The following CROCC2 variants were observed in gnomAD, a reference collection of about 807,000 sequenced individuals.
CROCC2 encodes ciliary rootlet coiled-coil, rootletin family member 2, also known as ciliary rootlet coiled-coil protein 2.
In CROCC2, 163 loss-of-function variants were observed where a neutral mutation model predicts 177.6. The observed-to-expected ratio is 0.92, with a 90% CI of 0.81 to 1.05. CROCC2 has a LOEUF of 1.05. Among genes scored for constraint, CROCC2 ranks in the 50% least tolerant of loss-of-function variants. The probability of loss-of-function intolerance (pLI) is 0.00; values close to 1 mark genes in which losing one functional copy is unlikely to be tolerated. For missense variants in CROCC2, 1,929 were observed against 1,797.8 expected (o/e 1.07, Z -1.32); for synonymous variants, 904 against 787.3 (o/e 1.15, Z -2.48).
At chr2:240,981,826 G>T (rs769223047) in intron 27 of CROCC2, 2 of 152,058 alleles carry the variant, frequency 1.3e-5, no homozygotes, top group Non-Finnish European at 2.9e-5. Context: ...CCTCAGGAAG[G>T]TGCAAGGGCT....
intron 3 of CROCC2, among the ~76,000 whole-genome samples, chr2:240,921,890 C>A (rs1261430575): frequency 6.6e-6 from 1 of 152,206 alleles, no homozygotes; most frequent in Non-Finnish European, 1.5e-5. Context: ...ATCCTTGGCC[C>A]TTGATTTCCT....
At chr2:240,946,762 G>A (rs2059526976) in intron 15 of CROCC2, among the ~76,000 whole-genome samples, 1 of 152,208 alleles carries the variant, frequency 6.6e-6, no homozygotes, top group African/African-American at 2.4e-5. Context: ...TGCAAGGCCT[G>A]AGAGCGGCTG....
chr2:240,914,871 GCTTT>G (rs1462656583), intron 1 of CROCC2, among the ~76,000 whole-genome samples: 26 of 152,214 alleles, frequency 1.7e-4, no homozygotes, highest in Admixed American at 1.6e-3. Flanking sequence ...GCTTCAGATG[GCTTT>G]GACGAGGGTG....
chr2:240,922,361 T>C (rs1365844608), intron 3 of CROCC2, among the ~76,000 whole-genome samples, 178 bp from the exon 4 acceptor site: 2 of 152,168 alleles, frequency 1.3e-5, no homozygotes, highest in Non-Finnish European at 2.9e-5. Context: ...GGAGGCCACC[T>C]GTCGGGTTCA....
chr2:240,911,761 G>T (rs2059290386), intron 1 of CROCC2, among the ~76,000 whole-genome samples: 1 of 151,942 alleles, frequency 6.6e-6, no homozygotes, highest in South Asian at 2.1e-4. Context: ...CTTCGTGGCG[G>T]GCTTATTTCA....
chr2:240,993,269 G>A lies in CROCC2; in HGVS notation c.*188G>A. 1.8e-6 allele frequency: 1 copy of A among 540,860 alleles called. No homozygotes were observed. The highest frequency in any genetic ancestry group is 3.4e-6 in the Non-Finnish European group (1 of 297,824). The allele number at this position is 540,860 out of a possible 1,614,324, so 33.5% of individuals were successfully genotyped here. On this transcript the variant is annotated 3_prime_UTR_variant, in exon 32 of 32. Transcript: ENST00000690015. The stretch of plus-strand genomic sequence containing the variant: ...GGGGAACATTTGAAATGCATGTGGG[G>A]GCCTCCGAATTTTGAATTTTAATAA...
At chr2:240,912,949 C>T (rs532166605) in intron 1 of CROCC2, among the ~76,000 whole-genome samples, 15 of 152,276 alleles carry the variant, frequency 9.9e-5, no homozygotes, top group Admixed American at 8.5e-4. Flanking sequence ...AGCAGCCAGG[C>T]CACGGTGCCC....
chr2:240,967,985 G>A, intron 26 of CROCC2, 144 bp from the exon 27 acceptor site: 2 of 820,348 alleles, frequency 2.4e-6, no homozygotes, highest in East Asian at 6.4e-5. Context: ...GGACCCTGGG[G>A]CAGCCCCAGG....
At chr2:240,947,213 T>C (rs1462035269) in intron 15 of CROCC2, among the ~76,000 whole-genome samples, 3 of 152,250 alleles carry the variant, frequency 2.0e-5, no homozygotes, top group Non-Finnish European at 4.4e-5. Context: ...CTTCTCCAAA[T>C]GAAAGCTTGC....
chr2:240,915,674 C>T (rs776357678), intron 1 of CROCC2, among the ~76,000 whole-genome samples: 17 of 152,182 alleles, frequency 1.1e-4, no homozygotes, highest in Admixed American at 5.2e-4. Flanking sequence ...TCCACACAAC[C>T]AAATGGGGTG....
intron 4 of CROCC2, among the ~76,000 whole-genome samples, chr2:240,923,253 G>A (rs953217278): frequency 1.3e-5 from 2 of 149,282 alleles, no homozygotes; most frequent in African/African-American, 2.5e-5. Flanking sequence ...AGAGAGTGGC[G>A]GAGAGGGACA....
At chr2:240,946,373 C>T (rs1256943502) in intron 15 of CROCC2, 120 bp downstream of exon 15, 5 of 1,042,202 alleles carry the variant, frequency 4.8e-6, no homozygotes, top group Non-Finnish European at 5.3e-6. Flanking sequence ...GAGCGTGTGC[C>T]CATGAAATGG....
At position 240,949,711 on chromosome 2, in the gene CROCC2, C is replaced by T; in HGVS notation, c.2652+9C>T. 6.5e-7 allele frequency: 1 copy of T among 1,532,484 alleles called. No individual in the cohort carries two copies. Among genetic ancestry groups the T allele is most frequent in the African/African-American group, 1.4e-5 (1 of 72,548 alleles). The allele number at this position is 1,532,484 out of a possible 1,614,324, so 94.9% of individuals were successfully genotyped here. On this transcript the variant is annotated intron_variant, in intron 17 of 31. Coordinates refer to ENST00000690015, the MANE Select transcript of CROCC2 (RefSeq NM_001351305.2). This position sits in a 1 kb window ranked among gnomAD's most constrained non-coding sequence, Gnocchi z 4.5. ...AGCTCCAAAGGGAGAAGGTCTGCTT[C>T]CCAGGAGCCCACCAGTAGCTTCCTA...
At chr2:240,944,653 C>CAGTT (rs2059513084) in intron 14 of CROCC2, among the ~76,000 whole-genome samples, 1 of 151,258 alleles carries the variant, frequency 6.6e-6, no homozygotes, top group South Asian at 2.1e-4. Flanking sequence ...ATTTAGTATC[C>CAGTT]AGTTCTATTG....
intron 18 of CROCC2, chr2:240,950,765 ATCCATCCATCCATCTC>A (rs1307610526): frequency 2.3e-6 from 1 of 435,840 alleles, no homozygotes; most frequent in Non-Finnish European, 4.1e-6. Flanking sequence ...CCAGCTACCC[ATCCATCCATCCATCTC>A]TCCATCCATC....
rs1307649266 is a variant in CROCC2, at chr2:240,972,739, C to G, written c.4401+4477C>G. Reference sequence around the variant, plus strand: ...ACAATTCTGGCAATTATTATTTCACCCATTTTTAGGCCAAGTTGGTCTCAT... The same window carrying G: ...ACAATTCTGGCAATTATTATTTCACGCATTTTTAGGCCAAGTTGGTCTCAT... On this transcript the variant is annotated intron_variant, in intron 27 of 31. Coordinates refer to ENST00000690015, the MANE Select transcript of CROCC2 (RefSeq NM_001351305.2). This position sits in a 1 kb window ranked among gnomAD's most constrained non-coding sequence, Gnocchi z 7.1. Among the ~76,000 whole-genome samples, 1 of 151,910 alleles carries G rather than the reference C, an allele frequency of 6.6e-6. No individual in the cohort carries two copies. Among genetic ancestry groups the G allele is most frequent in the African/African-American group, 2.4e-5 (1 of 41,330 alleles).
In CROCC2 at chr2:240,955,883, C is replaced by A. The variant is rs894869198; in HGVS notation, c.2854C>A (p.Arg952=). 5 of 1,535,006 alleles carry A rather than the reference C, an allele frequency of 3.3e-6. No homozygotes were observed. In the East Asian group the frequency reaches 1.2e-4, roughly 38 times the overall value. Residue 952 remains arginine (R), a synonymous_variant, in exon 19 of 32, where the codon CGG becomes AGG. Coordinates refer to ENST00000690015, the MANE Select transcript of CROCC2 (RefSeq NM_001351305.2). ...QQALSLKETE[R]SLLSEELSRA... is the part of the protein sequence containing the mutation. Reference sequence around the variant, plus strand: ...GGCCCTGTCCCTGAAAGAAACAGAGCGGAGCCTTCTGAGTGAGGAGCTCTC... The same window carrying A: ...GGCCCTGTCCCTGAAAGAAACAGAGAGGAGCCTTCTGAGTGAGGAGCTCTC...
intron 27 of CROCC2, among the ~76,000 whole-genome samples, chr2:240,968,873 T>C (rs976168670): frequency 1.3e-4 from 20 of 152,248 alleles, no homozygotes; most frequent in African/African-American, 4.6e-4. Context: ...GGCCCAGGCC[T>C]TGGTCCTCAG....
chr2:240,911,952 C>T (rs565236933), intron 1 of CROCC2, among the ~76,000 whole-genome samples: 4 of 152,300 alleles, frequency 2.6e-5, no homozygotes, highest in African/African-American at 4.8e-5. Context: ...CTGTGAACCT[C>T]GGAGTACAAA....
Sources: gnomAD v4.1 joint callset for allele counts (sites outside exome capture counted in the v4.1 genomes callset) on GRCh38, gnomAD v4.1.1 for gene constraint, Gnocchi (gnomAD v3.1) non-coding constraint, MANE v1.5 for transcripts, NCBI Gene and HGNC (gene_info 2026-07-23, HGNC 2026-07-21) for gene names.